Variants in ZFHX3 observed in about 807,000 individuals in gnomAD.
The protein encoded by ZFHX3 is zinc finger homeobox 3.
In ZFHX3, 42 loss-of-function variants were observed where a neutral mutation model predicts 279.1. The ratio of observed to expected loss-of-function variants is 0.15; its 90% confidence interval spans 0.12 to 0.19. ZFHX3 has a LOEUF of 0.19. ZFHX3 is among the 10% of genes least tolerant of loss of function. The pLI, the probability that ZFHX3 is intolerant of heterozygous loss-of-function variation, is 1.00. For missense variants in ZFHX3, 4,981 were observed against 4,754.0 expected, an observed-to-expected ratio of 1.05 and a Z score of -1.40; for synonymous variants, 2,293 against 1,957.8, an observed-to-expected ratio of 1.17 and a Z score of -4.52.
intron 2 of ZFHX3, among the ~76,000 whole-genome samples, chr16:73,588,086 C>G (rs1273548195): frequency 6.8e-6 from 1 of 148,014 alleles, no homozygotes; most frequent in Non-Finnish European, 1.5e-5. Flanking sequence ...AACTAAAAAT[C>G]AACAACGTAA....
chr16:73,517,165 G>T (rs558213570), intron 2 of ZFHX3, among the ~76,000 whole-genome samples: 1 of 152,096 alleles, frequency 6.6e-6, no homozygotes, highest in African/African-American at 2.4e-5. Context: ...CCAAAGCGCC[G>T]TAGTGACTGT....
intron 2 of ZFHX3, among the ~76,000 whole-genome samples, chr16:73,558,678 C>A (rs375860437): frequency 1.6e-3 from 249 of 152,006 alleles, no homozygotes; most frequent in African/African-American, 5.6e-3. Flanking sequence ...AGCCCCTCCC[C>A]CCACACGCAC....
intron 3 of ZFHX3, among the ~76,000 whole-genome samples, chr16:73,323,919 T>C (rs1290460357): frequency 6.6e-6 from 1 of 152,202 alleles, no homozygotes; most frequent in Non-Finnish European, 1.5e-5. Context: ...AATATCTGTT[T>C]AGGAGCCAGA....
chr16:73,709,199 A>G (rs1387770401), intron 1 of ZFHX3, among the ~76,000 whole-genome samples: 2 of 152,190 alleles, frequency 1.3e-5, no homozygotes, highest in South Asian at 2.1e-4. Context: ...GACCCTCATC[A>G]CTACAGAAAA....
intron 2 of ZFHX3, among the ~76,000 whole-genome samples, chr16:73,507,825 T>C (rs72801422): frequency 0.058 from 8,825 of 152,136 alleles, 378 homozygotes; most frequent in African/African-American, 0.12. Context: ...CCTGGGAGAT[T>C]ACAGACAAAC....
chr16:73,365,282 C>T (rs979556421), intron 3 of ZFHX3, among the ~76,000 whole-genome samples: 1 of 152,204 alleles, frequency 6.6e-6, no homozygotes, highest in Admixed American at 6.5e-5. Context: ...CCTGGGGCTG[C>T]AGCAGGCAAC....
intron 3 of ZFHX3, among the ~76,000 whole-genome samples, chr16:72,904,346 A>C (rs1203620903): frequency 6.6e-6 from 1 of 151,566 alleles, no homozygotes; most frequent in Non-Finnish European, 1.5e-5. Flanking sequence ...CCAGCCTGGC[A>C]ACAGAGTGAG....
intron 1 of ZFHX3, chr16:73,794,457 G>A (rs531696615): frequency 2.0e-5 from 3 of 152,340 alleles, no homozygotes; most frequent in Non-Finnish European, 2.9e-5. Flanking sequence ...CTAATGAGAT[G>A]TCTAATAAGA....
intron 2 of ZFHX3, among the ~76,000 whole-genome samples, chr16:73,627,834 C>G (rs1362903111): frequency 6.6e-6 from 1 of 152,200 alleles, no homozygotes; most frequent in Non-Finnish European, 1.5e-5. Flanking sequence ...AGGAGAATCA[C>G]TTGAACCCAG....
chr16:73,040,162 C>T (rs1025105583), intron 1 of ZFHX3, among the ~76,000 whole-genome samples: 4 of 152,104 alleles, frequency 2.6e-5, no homozygotes, highest in Non-Finnish European at 5.9e-5. Context: ...CTGGCATGCC[C>T]AGTTCACCAT....
intron 2 of ZFHX3, among the ~76,000 whole-genome samples, chr16:73,573,822 A>G (rs1480047802): frequency 6.6e-6 from 1 of 152,230 alleles, no homozygotes; most frequent in Non-Finnish European, 1.5e-5. Context: ...CCTATTACAC[A>G]GTATAAATGC....
chr16:73,644,147 A>T (rs2052597538), intron 2 of ZFHX3, among the ~76,000 whole-genome samples: 1 of 151,988 alleles, frequency 6.6e-6, no homozygotes, highest in African/African-American at 2.4e-5. Flanking sequence ...TGGAATTCTG[A>T]TTTAATCCCT....
intron 1 of ZFHX3, among the ~76,000 whole-genome samples, chr16:73,797,995 C>T (rs896905032): frequency 7.9e-5 from 12 of 151,656 alleles, no homozygotes; most frequent in Non-Finnish European, 1.5e-5. Flanking sequence ...TTTTAGTAGA[C>T]ATGGGGTTTC....
At chr16:73,629,167 G>GCACAAACA (rs1242407544) in intron 2 of ZFHX3, among the ~76,000 whole-genome samples, 13 of 152,202 alleles carry the variant, frequency 8.5e-5, no homozygotes, top group Admixed American at 7.9e-4. Context: ...CTGTGTGTGT[G>GCACAAACA]CACAAACAAG....
chr16:72,988,374 G>A (rs17692597), intron 1 of ZFHX3, among the ~76,000 whole-genome samples: 39,953 of 152,076 alleles, frequency 0.26, 5,641 homozygotes, highest in Admixed American at 0.33. Flanking sequence ...ATGCTTAGCT[G>A]GTACACGGAC....
At chr16:73,600,418 CT>C (rs34947000) in intron 2 of ZFHX3, among the ~76,000 whole-genome samples, 58,513 of 119,060 alleles carry the variant, frequency 0.49, 14,380 homozygotes, top group East Asian at 0.73. Context: ...GGTCTCTCTA[CT>C]TTTTTTTTTT....
In ZFHX3 at chr16:73,189,939, A is replaced by T. The variant is rs567451603; in HGVS notation, c.-1103-46108T>A. ...GGAGACCCTCATCTCTAAAAAAATT[A>T]AAAAAAAAATTAAAAACTAAAAGTC... On this transcript the variant is annotated intron_variant, in intron 5 of 17. Transcript: ENST00000641206. 3.5e-4 allele frequency among the ~76,000 whole-genome samples: 53 copies of T among 151,380 alleles called. 1 individual carries two copies. Among genetic ancestry groups the T allele is most frequent in the South Asian group, 8.4e-4 (4 of 4,774 alleles).
At chr16:73,171,778 G>A (rs1327534253) in intron 5 of ZFHX3, among the ~76,000 whole-genome samples, 1 of 152,074 alleles carries the variant, frequency 6.6e-6, no homozygotes. Context: ...CCATGCTACT[G>A]TGCCCCTGAT....
intron 1 of ZFHX3, among the ~76,000 whole-genome samples, chr16:73,773,408 G>C (rs1356541558): frequency 6.6e-6 from 1 of 152,214 alleles, no homozygotes; most frequent in Non-Finnish European, 1.5e-5. Context: ...ATGGAGAACA[G>C]ATGGTCCTCA....
Sources: gnomAD v4.1 joint callset for allele counts (sites outside exome capture counted in the v4.1 genomes callset) on GRCh38, gnomAD v4.1.1 for gene constraint, MANE v1.5 for transcripts, NCBI Gene and HGNC (gene_info 2026-07-23, HGNC 2026-07-21) for gene names.